Variants in USP50 observed in about 807,000 individuals in gnomAD.
USP50 encodes the protein ubiquitin carboxyl-terminal hydrolase 50.
In USP50, 37 loss-of-function variants were observed where a neutral mutation model predicts 39.2. The observed-to-expected ratio is 0.94, with a 90% CI of 0.73 to 1.24. The LOEUF (loss-of-function observed/expected upper bound fraction) is 1.24. Among genes scored for constraint, USP50 ranks in the 50% most tolerant of loss-of-function variants. USP50 has a pLI of 0.00. For missense variants in USP50, 374 were observed against 398.2 expected, an observed-to-expected ratio of 0.94 and a Z score of 0.52; for synonymous variants, 139 against 144.5, an observed-to-expected ratio of 0.96 and a Z score of 0.27.
chr15:50,523,292 C>T (rs1462363335), intron 6 of USP50, among the ~76,000 whole-genome samples: 3 of 151,000 alleles, frequency 2.0e-5, no homozygotes, highest in Non-Finnish European at 4.4e-5. Flanking sequence ...GATCCTCCCA[C>T]ATCAGCCTCT....
intron 3 of USP50, among the ~76,000 whole-genome samples, chr15:50,542,537 G>A (rs1409287380): frequency 7.4e-6 from 1 of 135,812 alleles, no homozygotes; most frequent in Admixed American, 8.4e-5. Context: ...CGTCCAGGCT[G>A]GAGTGCAGTG....
chr15:50,495,698 A>G (rs1466658953), downstream of USP50: 4 of 594,296 alleles, frequency 6.7e-6, no homozygotes, highest in African/African-American at 5.6e-5. Context: ...GGCTAGAATT[A>G]TTTTTTGCCA....
downstream of USP50, chr15:50,496,910 G>A: frequency 1.4e-6 from 1 of 716,284 alleles, no homozygotes; most frequent in Non-Finnish European, 2.2e-6. Context: ...ACTCTGTGCT[G>A]TCATTGTTCA....
At chr15:50,501,878 T>A (rs1379420331) in intron 6 of USP50, 1 of 152,208 alleles carries the variant, frequency 6.6e-6, no homozygotes, top group Non-Finnish European at 1.5e-5. Flanking sequence ...TATTGTTATA[T>A]GTGAAAATTT....
intron 5 of USP50, among the ~76,000 whole-genome samples, chr15:50,534,027 G>A (rs1299956724): frequency 2.0e-5 from 3 of 151,904 alleles, no homozygotes; most frequent in African/African-American, 7.3e-5. Flanking sequence ...AAAAGAAATC[G>A]TTTACAGAGA....
chr15:50,532,102 T>G, intron 5 of USP50: 2 of 456,242 alleles, frequency 4.4e-6, no homozygotes, highest in Non-Finnish European at 8.8e-6. Context: ...AGAGGCTCAG[T>G]GCAGAGTCTG....
chr15:50,517,077 G>A (rs2052809430), intron 6 of USP50, among the ~76,000 whole-genome samples: 1 of 152,182 alleles, frequency 6.6e-6, no homozygotes, highest in Non-Finnish European at 1.5e-5. Flanking sequence ...GGCATATACA[G>A]AACATTCCAT....
chr15:50,502,373 A>G (rs1277087314), intron 6 of USP50: 3 of 148,492 alleles, frequency 2.0e-5, no homozygotes, highest in Non-Finnish European at 4.4e-5. Context: ...TCCCAAAGTT[A>G]TTTATTTTTA....
intron 6 of USP50, among the ~76,000 whole-genome samples, chr15:50,528,635 G>A (rs1450299225): frequency 6.6e-6 from 1 of 152,184 alleles, no homozygotes; most frequent in Non-Finnish European, 1.5e-5. Context: ...CCCAAGCAAG[G>A]AAGTGAGAGA....
Position 50,523,081 on chromosome 15 carries a change from G to C in USP50, c.936+6716C>G, listed in dbSNP as rs567013419. On this transcript the variant is annotated intron_variant, in intron 6 of 6. Transcript: ENST00000532404. ...TTTGCTGAGGACACGATCTTATATAGAGAAACCCCTAAAAACTCCACCAAA... is the reference window on the plus strand; with the variant it reads ...TTTGCTGAGGACACGATCTTATATACAGAAACCCCTAAAAACTCCACCAAA... Among the ~76,000 whole-genome samples, 8 of 150,526 alleles carry C rather than the reference G, an allele frequency of 5.3e-5. No individual in the cohort carries two copies. In the East Asian group the frequency reaches 1.4e-3, roughly 26 times the overall value.
chr15:50,501,829 AT>A (rs1247473839), intron 6 of USP50: 4 of 152,254 alleles, frequency 2.6e-5, no homozygotes, highest in Admixed American at 6.5e-5. Context: ...CGGGTTTTAA[AT>A]TTTTATATGG....
intron 4 of USP50, among the ~76,000 whole-genome samples, chr15:50,539,696 G>C (rs2053013930): frequency 6.6e-6 from 1 of 152,176 alleles, no homozygotes; most frequent in Admixed American, 6.5e-5. Flanking sequence ...TTACAGCCTT[G>C]AGCCTCCATG....
intron 6 of USP50, among the ~76,000 whole-genome samples, chr15:50,525,633 T>C (rs2052887691): frequency 8.3e-6 from 1 of 120,028 alleles, no homozygotes; most frequent in African/African-American, 3.3e-5. Context: ...TATATGTATA[T>C]ATGTATATGT....
At chr15:50,528,539 A>G (rs1385480526) in intron 6 of USP50, among the ~76,000 whole-genome samples, 2 of 152,212 alleles carry the variant, frequency 1.3e-5, no homozygotes, top group Non-Finnish European at 2.9e-5. Flanking sequence ...ATAGTAAAAT[A>G]TAAGGGAGGC....
chr15:50,534,853 A>G (rs2052967274), intron 5 of USP50, among the ~76,000 whole-genome samples: 1 of 152,186 alleles, frequency 6.6e-6, no homozygotes, highest in South Asian at 2.1e-4. Flanking sequence ...TACATGAGGA[A>G]AAACTGGCTG....
chr15:50,532,131 G>T, intron 5 of USP50: 2 of 456,272 alleles, frequency 4.4e-6, no homozygotes, highest in Non-Finnish European at 8.8e-6. Context: ...AAACTCCAAA[G>T]AATCCAGTCA....
intron 6 of USP50, among the ~76,000 whole-genome samples, chr15:50,517,699 T>C (rs2052814437): frequency 6.6e-6 from 1 of 152,142 alleles, no homozygotes; most frequent in Non-Finnish European, 1.5e-5. Context: ...AAACTCATGA[T>C]ATGCAGCAAA....
chr15:50,499,219 A>G (rs139134291), downstream of USP50: 1,481 of 814,692 alleles, frequency 1.8e-3, 19 homozygotes, highest in African/African-American at 0.023. Flanking sequence ...CTGTGTTACT[A>G]GCACTATATA....
At chr15:50,544,438 T>G (rs2053055437) in intron 2 of USP50, 149 bp downstream of exon 2, 1 of 584,748 alleles carries the variant, frequency 1.7e-6, no homozygotes, top group African/African-American at 1.9e-5. Context: ...TTCCCACTTT[T>G]ACTTACTCTA....
Sources: gnomAD v4.1 joint callset for allele counts (sites outside exome capture counted in the v4.1 genomes callset) on GRCh38, gnomAD v4.1.1 for gene constraint, MANE v1.5 for transcripts, NCBI Gene and HGNC (gene_info 2026-07-23, HGNC 2026-07-21) for gene names.